DNAH8: variants seen among roughly 807,000 people sequenced by gnomAD.
DNAH8 encodes the protein dynein axonemal heavy chain 8, also known as axonemal beta dynein heavy chain 8.
In DNAH8, 382 loss-of-function variants were observed where a neutral mutation model predicts 562.1. That is an observed-to-expected ratio of 0.68 (90% CI 0.63 to 0.74). The LOEUF is 0.74. DNAH8 is among the 30% of genes least tolerant of loss of function. DNAH8 has a pLI of 0.00. For missense variants in DNAH8, 5,203 were observed against 5,620.4 expected, an observed-to-expected ratio of 0.93 and a Z score of 2.37; for synonymous variants, 1,881 against 1,919.4, an observed-to-expected ratio of 0.98 and a Z score of 0.52.
In DNAH8 at chr6:38,884,272, T is replaced by C. The variant is rs1031360383; in HGVS notation, c.8259+274T>C. On this transcript the variant is annotated intron_variant, in intron 56 of 92. Coordinates refer to ENST00000327475, the MANE Select transcript of DNAH8 (RefSeq NM_001206927.2). Reference sequence around the variant, plus strand: ...GTTACATATGTATACATGTGCCATGTTGGTGTGCTGCACCCATTAACTCGT... The same window carrying C: ...GTTACATATGTATACATGTGCCATGCTGGTGTGCTGCACCCATTAACTCGT... Among the ~76,000 whole-genome samples, 3 of 152,214 alleles carry C rather than the reference T, an allele frequency of 2.0e-5. 1 individual carries two copies.
At chr6:38,852,895 G>T in intron 40 of DNAH8, 97 bp downstream of exon 40, 1 of 936,212 alleles carries the variant, frequency 1.1e-6, no homozygotes, top group Non-Finnish European at 1.6e-6. Context: ...AGGAGGAGAG[G>T]GAGTTCTCAT....
chr6:38,945,082 A>G (rs1293018330), intron 79 of DNAH8, among the ~76,000 whole-genome samples: 1 of 152,120 alleles, frequency 6.6e-6, no homozygotes, highest in Non-Finnish European at 1.5e-5. Flanking sequence ...TTTAATGGCA[A>G]GCTTCTGGAG....
At chr6:38,770,194 G>A (rs1308973733) in intron 11 of DNAH8, among the ~76,000 whole-genome samples, 2 of 151,968 alleles carry the variant, frequency 1.3e-5, no homozygotes, top group Non-Finnish European at 2.9e-5. Context: ...AAAACAAATA[G>A]TATATGGTAT....
chr6:38,875,759 A>C lies in DNAH8; in HGVS notation c.7789A>C (p.Lys2597Gln), dbSNP rs746945226. Residue 2597 changes from lysine (K) to glutamine (Q), a missense_variant, in exon 53 of 93, where the codon AAG becomes CAG. This residue lies in a region of DNAH8 where 977 missense variants were observed against 1,061.8 expected (regional missense o/e 0.92). Coordinates refer to ENST00000327475, the MANE Select transcript of DNAH8 (RefSeq NM_001206927.2). ...LEAFLRQHES[K>Q]LDLPEIPKGS... is the part of the protein sequence containing the mutation. ...AGCCTTCTTACGGCAGCATGAAAGC[A>C]AGTTGGACTTACCAGAAATACCTAA... 3 of 1,614,022 alleles carry C rather than the reference A, an allele frequency of 1.9e-6. No individual in the cohort carries two copies. Among genetic ancestry groups the C allele is most frequent in the Non-Finnish European group, 2.5e-6 (3 of 1,179,948 alleles).
rs757128062 is a variant in DNAH8 at position 38,873,308 on chromosome 6, A to G, written c.7552A>G (p.Thr2518Ala). 6.2e-7 allele frequency: 1 copy of G among 1,613,892 alleles called. No individual in the cohort carries two copies. Among genetic ancestry groups the G allele is most frequent in the Non-Finnish European group, 8.5e-7 (1 of 1,179,906 alleles). The change falls in exon 52 of 93, where the codon ACA becomes GCA. Residue 2518 changes from threonine to alanine, a missense_variant. Thr to Ala is a moderately conservative substitution (Grantham distance 58, BLOSUM62 0). Around this residue, in one of 6 missense-constraint regions of DNAH8, gnomAD observed 977 missense variants for 1,061.8 expected, o/e 0.92. Coordinates refer to ENST00000327475, the MANE Select transcript of DNAH8 (RefSeq NM_001206927.2). ...LTLYEKVFED[T>A]YTYMKLNLNP... is the part of the protein sequence containing the mutation. Reference sequence around the variant, plus strand: ...ACTGTATGAGAAAGTCTTTGAAGATACATACACATATATGAAGCTAAATCT... The same window carrying G: ...ACTGTATGAGAAAGTCTTTGAAGATGCATACACATATATGAAGCTAAATCT...
intron 54 of DNAH8, 91 bp from the exon 55 acceptor site, chr6:38,883,231 T>C: frequency 7.1e-7 from 1 of 1,417,680 alleles, no homozygotes; most frequent in South Asian, 1.5e-5. Flanking sequence ...TTAGTTGTAT[T>C]AATTTATAGA....
At chr6:38,970,138 A>T (rs1763238862) in intron 82 of DNAH8, among the ~76,000 whole-genome samples, 1 of 152,132 alleles carries the variant, frequency 6.6e-6, no homozygotes, top group Non-Finnish European at 1.5e-5. Flanking sequence ...TCCTTGTAGA[A>T]GGTGTGTTTC....
intron 53 of DNAH8, among the ~76,000 whole-genome samples, 185 bp downstream of exon 53, chr6:38,876,013 G>C (rs1456274224): frequency 1.3e-5 from 2 of 152,184 alleles, no homozygotes; most frequent in Non-Finnish European, 2.9e-5. Flanking sequence ...GCCCGAAACT[G>C]ATATTGAGAC....
chr6:39,011,798 C>T (rs1308106476), intron 89 of DNAH8, among the ~76,000 whole-genome samples: 1 of 152,170 alleles, frequency 6.6e-6, no homozygotes, highest in Non-Finnish European at 1.5e-5. Flanking sequence ...AAGATTTTTG[C>T]TGTATTAACT....
At chr6:38,836,298 G>A (rs564745533) in intron 32 of DNAH8, among the ~76,000 whole-genome samples, 5 of 151,966 alleles carry the variant, frequency 3.3e-5, no homozygotes, top group African/African-American at 1.2e-4. Context: ...GGTTGCTAAT[G>A]TAGCCAGGTA....
At position 38,872,641 on chromosome 6, in the gene DNAH8, G is replaced by A. The variant is rs549318995; in HGVS notation, c.7096G>A (p.Gly2366Arg). The change falls in exon 50 of 93, where the codon GGA becomes AGA. Residue 2366 changes from glycine (G) to arginine (R), a missense_variant. Physicochemically the swap from Gly to Arg is moderately radical, Grantham distance 125. This residue lies in a region of DNAH8 where 2,176 missense variants were observed against 2,365.1 expected (regional missense o/e 0.92). Transcript: ENST00000327475. ...TILMKAQTEC[G>R]RPHREMRMNP... ...TCTAATGAAGGCGCAAACAGAATGC[G>A]GAAGGCCTCATAGAGAAATGCGAAT... The A allele has an allele frequency of 5.6e-6, 9 of 1,614,100 alleles. No homozygotes were observed. The highest frequency in any genetic ancestry group is 4.5e-5 in the East Asian group (2 of 44,856).
chr6:38,767,680 T>A, intron 11 of DNAH8, among the ~76,000 whole-genome samples: 1 of 152,238 alleles, frequency 6.6e-6, no homozygotes, highest in Admixed American at 6.5e-5. Flanking sequence ...AGTCCATATA[T>A]TTTTATCCAT....
rs139672380 is a variant in DNAH8 at position 38,872,199 on chromosome 6, C to A, written c.6991-337C>A. On this transcript the variant is annotated intron_variant, in intron 49 of 92. Coordinates refer to ENST00000327475, the MANE Select transcript of DNAH8 (RefSeq NM_001206927.2). The stretch of plus-strand genomic sequence containing the variant: ...GGGGCGATATCATCACATTGGATGC[C>A]GAGAAAGTTTGCGCATGGAACAACT... Among the ~76,000 whole-genome samples, 6 of 152,214 alleles carry A rather than the reference C, an allele frequency of 3.9e-5. No homozygotes were observed. The East Asian group carries it at 1.2e-3, about 29-fold the overall frequency.
intron 18 of DNAH8, among the ~76,000 whole-genome samples, chr6:38,788,546 G>C (rs565468840): frequency 6.6e-6 from 1 of 152,214 alleles, no homozygotes; most frequent in African/African-American, 2.4e-5. Context: ...TGATTTTTGA[G>C]CATCTTTTCA....
At chr6:39,008,015 G>T (rs1765908012) in intron 88 of DNAH8, among the ~76,000 whole-genome samples, 1 of 138,314 alleles carries the variant, frequency 7.2e-6, no homozygotes, top group Non-Finnish European at 1.5e-5. Flanking sequence ...CAGGGACAGA[G>T]ACTAAATTCA....
chr6:38,964,819 T>G (rs1762865352), intron 82 of DNAH8, among the ~76,000 whole-genome samples: 1 of 152,154 alleles, frequency 6.6e-6, no homozygotes, highest in Non-Finnish European at 1.5e-5. Flanking sequence ...CCCAGCACTT[T>G]AGGAGGCTGA....
intron 33 of DNAH8, among the ~76,000 whole-genome samples, chr6:38,839,749 A>C (rs1583153247): frequency 6.6e-6 from 1 of 151,180 alleles, no homozygotes. Flanking sequence ...AGCAACCTCC[A>C]CCTGCTGGGT....
chr6:38,896,820 C>G lies in DNAH8; in HGVS notation c.8940+595C>G, dbSNP rs117845301. On this transcript the variant is annotated intron_variant, in intron 60 of 92. Transcript: ENST00000327475. ...ATTTATTTTGAGATGGAGTCTCTCT[C>G]TGTCACCCCAGGCTGGAGCACAGTG... Among the ~76,000 whole-genome samples, 1,212 of 152,194 alleles carry G rather than the reference C, an allele frequency of 8.0e-3. 48 individuals are homozygous for G. In the East Asian group the frequency reaches 0.11, roughly 13 times the overall value.
intron 88 of DNAH8, among the ~76,000 whole-genome samples, chr6:38,992,270 A>G (rs1213063538): frequency 6.6e-6 from 1 of 152,152 alleles, no homozygotes; most frequent in Admixed American, 6.5e-5. Context: ...ACCCAGCCTC[A>G]TACTTTACAC....
Sources: gnomAD v4.1 joint callset for allele counts (sites outside exome capture counted in the v4.1 genomes callset) on GRCh38, gnomAD v4.1.1 for gene constraint, gnomAD v4.1.1 regional missense constraint, MANE v1.5 for transcripts, NCBI Gene and HGNC (gene_info 2026-07-23, HGNC 2026-07-21) for gene names.